Variants in LPP observed in about 807,000 individuals in gnomAD.
LPP encodes LIM domain containing preferred translocation partner in lipoma, also known as lipoma-preferred partner.
In LPP, 38 loss-of-function variants were observed where a neutral mutation model predicts 60.4. The ratio of observed to expected loss-of-function variants is 0.63; its 90% CI spans 0.49 to 0.83. The LOEUF is 0.83. LPP is among the 40% of genes least tolerant of loss of function. LPP has a pLI of 0.00. For synonymous variants in LPP, 328 were observed against 290.8 expected (o/e 1.13, Z -1.30); for missense variants, 902 against 783.6 (o/e 1.15, Z -1.80).
chr3:188,763,481 C>T (rs1227418436), intron 9 of LPP, among the ~76,000 whole-genome samples: 1 of 152,000 alleles, frequency 6.6e-6, no homozygotes, highest in African/African-American at 2.4e-5. Context: ...AGCTTTGGTT[C>T]AATGATTTTT....
intron 9 of LPP, among the ~76,000 whole-genome samples, chr3:188,860,503 G>A (rs868038254): frequency 6.6e-6 from 1 of 152,010 alleles, no homozygotes; most frequent in African/African-American, 2.4e-5. Flanking sequence ...TGAGGCAACC[G>A]CTCAGGAACT....
At chr3:188,274,274 A>G (rs551838685) in intron 2 of LPP, among the ~76,000 whole-genome samples, 25 of 152,344 alleles carry the variant, frequency 1.6e-4, no homozygotes, top group African/African-American at 5.5e-4. Context: ...TGAGTCATGT[A>G]GGAACATGCT....
chr3:188,354,472 A>T (rs941368218), intron 3 of LPP, among the ~76,000 whole-genome samples: 1 of 152,142 alleles, frequency 6.6e-6, no homozygotes, highest in African/African-American at 2.4e-5. Flanking sequence ...TTTAAAATAA[A>T]GTTTTCTGTA....
intron 2 of LPP, among the ~76,000 whole-genome samples, chr3:188,237,152 C>G (rs1012525434): frequency 2.0e-5 from 3 of 152,172 alleles, no homozygotes; most frequent in African/African-American, 4.8e-5. Flanking sequence ...ACCATTTTCT[C>G]TGTTCATCCA....
chr3:188,764,778 C>A (rs563318635), intron 9 of LPP, among the ~76,000 whole-genome samples: 5 of 152,178 alleles, frequency 3.3e-5, no homozygotes, highest in Non-Finnish European at 7.3e-5. Context: ...GAAGTGGCAG[C>A]CAAGGATCCT....
At chr3:188,304,121 A>G (rs982491551) in intron 2 of LPP, among the ~76,000 whole-genome samples, 1 of 152,196 alleles carries the variant, frequency 6.6e-6, no homozygotes, top group African/African-American at 2.4e-5. Context: ...CATATAAATT[A>G]TAATAAATGT....
chr3:188,568,108 A>G (rs1408402578), intron 6 of LPP: 1 of 151,996 alleles, frequency 6.6e-6, no homozygotes. Context: ...TTGTGATATC[A>G]CTATCAATTT....
intron 6 of LPP, among the ~76,000 whole-genome samples, chr3:188,594,043 T>C (rs1364557485): frequency 6.6e-6 from 1 of 152,216 alleles, no homozygotes; most frequent in East Asian, 1.9e-4. Flanking sequence ...AGTGCTCCCA[T>C]GTTCTAAGTG....
At chr3:188,570,124 G>A (rs1283714191) in intron 6 of LPP, among the ~76,000 whole-genome samples, 1 of 151,370 alleles carries the variant, frequency 6.6e-6, no homozygotes, top group Non-Finnish European at 1.5e-5. Context: ...CATGCAATTA[G>A]TGTACTCTAT....
At chr3:188,717,479 A>G (rs906853152) in intron 8 of LPP, among the ~76,000 whole-genome samples, 3 of 152,228 alleles carry the variant, frequency 2.0e-5, no homozygotes, top group African/African-American at 7.2e-5. Context: ...GTTTTCACAG[A>G]TAAATGACCT....
chr3:188,282,461 A>T (rs1742439640), intron 2 of LPP, among the ~76,000 whole-genome samples: 1 of 152,104 alleles, frequency 6.6e-6, no homozygotes, highest in Non-Finnish European at 1.5e-5. Context: ...ACACATGTTC[A>T]TCTCCTTGGG....
chr3:188,658,980 A>G (rs1463255139), intron 7 of LPP, among the ~76,000 whole-genome samples: 2 of 152,232 alleles, frequency 1.3e-5, no homozygotes, highest in Non-Finnish European at 2.9e-5. Flanking sequence ...AGTGATTTGA[A>G]GATTTTTCAT....
intron 9 of LPP, among the ~76,000 whole-genome samples, chr3:188,821,619 T>C (rs193182043): frequency 2.6e-5 from 4 of 152,216 alleles, no homozygotes; most frequent in Non-Finnish European, 1.5e-5. Context: ...GCATATATAG[T>C]GAATGTATTC....
At chr3:188,687,805 C>T (rs1178724843) in intron 7 of LPP, among the ~76,000 whole-genome samples, 4 of 124,638 alleles carry the variant, frequency 3.2e-5, no homozygotes, top group Non-Finnish European at 5.2e-5. Context: ...GATGAAGTCT[C>T]GCTCTGTCGC....
chr3:188,813,096 C>T (rs1268935847), intron 9 of LPP, among the ~76,000 whole-genome samples: 2 of 152,066 alleles, frequency 1.3e-5, no homozygotes, highest in Non-Finnish European at 2.9e-5. Context: ...GCAAATTTAG[C>T]ATTTGGAGCT....
At chr3:188,592,478 G>GT (rs1200687079) in intron 6 of LPP, among the ~76,000 whole-genome samples, 1 of 147,940 alleles carries the variant, frequency 6.8e-6, no homozygotes, top group African/African-American at 2.5e-5. Flanking sequence ...TTGAACGAGT[G>GT]TTTTTTATTT....
At chr3:188,841,565 T>A (rs968292217) in intron 9 of LPP, among the ~76,000 whole-genome samples, 1 of 152,084 alleles carries the variant, frequency 6.6e-6, no homozygotes, top group African/African-American at 2.4e-5. Flanking sequence ...CTAATTTTTG[T>A]ATTTTCAGTA....
intron 7 of LPP, among the ~76,000 whole-genome samples, chr3:188,703,449 G>C (rs1388671543): frequency 6.6e-6 from 1 of 152,148 alleles, no homozygotes; most frequent in Non-Finnish European, 1.5e-5. Context: ...AAAGTTTTAA[G>C]CTGTCTTCTT....
rs1239376843 is a variant in LPP, at chr3:188,889,474, G to A, written c.*14995G>A. 2 of 231,154 alleles carry A rather than the reference G, an allele frequency of 8.7e-6. No individual in the cohort carries two copies. Among genetic ancestry groups the A allele is most frequent in the South Asian group, 1.8e-4 (1 of 5,500 alleles). 14.3% of individuals were successfully genotyped at this position (231,154 alleles called of 1,614,324 possible). The stretch of plus-strand genomic sequence containing the variant: ...GCCAAGTCGTTCCCTTTCCTTCTAA[G>A]TCAGTTGGCTCCATATTCACTTGAA... On this transcript the variant is annotated 3_prime_UTR_variant, in exon 12 of 12. Coordinates refer to ENST00000617246, the MANE Select transcript of LPP (RefSeq NM_001375462.1).
Sources: gnomAD v4.1 joint callset for allele counts (sites outside exome capture counted in the v4.1 genomes callset) on GRCh38, gnomAD v4.1.1 for gene constraint, MANE v1.5 for transcripts, NCBI Gene and HGNC (gene_info 2026-07-23, HGNC 2026-07-21) for gene names.